The following PDZD2 variants were observed in gnomAD, a reference collection of about 807,000 sequenced individuals.
The protein encoded by PDZD2 is PDZ domain-containing protein 2.
A neutral mutation model predicts 220.7 loss-of-function variants in PDZD2; 90 were observed. The ratio of observed to expected loss-of-function variants is 0.41; its 90% CI spans 0.34 to 0.49. PDZD2 has a LOEUF of 0.49. Ranked by LOEUF, PDZD2 falls within the 20% of genes least tolerant of loss-of-function variation. PDZD2 has a pLI of 0.28. For synonymous variants in PDZD2, 1,375 were observed against 1,450.5 expected (o/e 0.95, Z 1.18); for missense variants, 3,174 against 3,608.5 (o/e 0.88, Z 3.08).
At chr5:31,651,773 A>G (rs1252634278) in intron 1 of PDZD2, among the ~76,000 whole-genome samples, 3 of 151,918 alleles carry the variant, frequency 2.0e-5, no homozygotes, top group African/African-American at 7.3e-5. Context: ...CTGGGACTAT[A>G]GTATGCACCA....
At chr5:32,105,289 G>A (rs546739841) in intron 24 of PDZD2, among the ~76,000 whole-genome samples, 4 of 152,252 alleles carry the variant, frequency 2.6e-5, no homozygotes, top group African/African-American at 9.6e-5. Flanking sequence ...ACAGGAAGAT[G>A]CTCAAACTTA....
chr5:31,901,832 T>A (rs1742131788), intron 2 of PDZD2, among the ~76,000 whole-genome samples: 1 of 152,224 alleles, frequency 6.6e-6, no homozygotes, highest in Non-Finnish European at 1.5e-5. Context: ...ATAAATTTCC[T>A]TTTCTGGACA....
intron 2 of PDZD2, among the ~76,000 whole-genome samples, chr5:31,856,111 AG>A (rs2150305456): frequency 1.3e-5 from 2 of 152,346 alleles, no homozygotes; most frequent in East Asian, 3.9e-4. Context: ...ATATTTTCAG[AG>A]TTTGCACTCT....
chr5:32,047,111 C>G (rs1176715478), intron 7 of PDZD2, among the ~76,000 whole-genome samples: 2 of 151,976 alleles, frequency 1.3e-5, no homozygotes, highest in African/African-American at 4.8e-5. Context: ...AGAAAGACAT[C>G]CAATTTTAAA....
At chr5:32,091,596 T>C (rs1168468452) in intron 20 of PDZD2, among the ~76,000 whole-genome samples, 1 of 152,136 alleles carries the variant, frequency 6.6e-6, no homozygotes, top group East Asian at 1.9e-4. Flanking sequence ...TCTTACCCAC[T>C]CTTCCTAATG....
intron 1 of PDZD2, among the ~76,000 whole-genome samples, chr5:31,746,408 C>T (rs1056206039): frequency 6.6e-6 from 1 of 152,180 alleles, no homozygotes; most frequent in African/African-American, 2.4e-5. Context: ...GATCCATTAA[C>T]AATGTCCATC....
chr5:31,784,901 C>T (rs1440315351), intron 1 of PDZD2, among the ~76,000 whole-genome samples: 2 of 150,640 alleles, frequency 1.3e-5, no homozygotes, highest in Non-Finnish European at 3.0e-5. Flanking sequence ...AGCGAGATGC[C>T]GTCTCAAAAA....
chr5:32,097,533 C>T lies in PDZD2; in HGVS notation c.7947+153C>T, dbSNP rs1196615011. Among the ~76,000 whole-genome samples the T allele has an allele frequency of 3.9e-5, 6 of 152,268 alleles. No individual in the cohort carries two copies. In the East Asian group the frequency reaches 7.7e-4, roughly 20 times the overall value. On this transcript the variant is annotated intron_variant, in intron 22 of 24. Transcript: ENST00000438447. Reference sequence around the variant, plus strand: ...AAAGGGAGAAGTGGGAGAAGTAGTACGTAAGGTTTTCGTTGACAAAAGACA... The same window carrying T: ...AAAGGGAGAAGTGGGAGAAGTAGTATGTAAGGTTTTCGTTGACAAAAGACA...
Position 31,691,265 on chromosome 5 carries a change from G to C in PDZD2, c.-361+51828G>C, listed in dbSNP as rs536195561. ...GCGTCTGGAGTTGTTCGTTCCTCCC[G>C]GTGGGCTCGTGGTCTCGCTGGCTTC... On this transcript the variant is annotated intron_variant, in intron 1 of 24. Transcript: ENST00000438447. Among the ~76,000 whole-genome samples the C allele has an allele frequency of 2.7e-4, 41 of 151,914 alleles. 1 individual carries two copies. In the South Asian group the frequency reaches 4.6e-3, roughly 17 times the overall value.
At position 32,108,203 on chromosome 5, in the gene PDZD2, A is replaced by C. The variant is rs779739450; in HGVS notation, c.*68A>C. ...CAAATCAGAGTGACTTCTTTAAACC[A>C]CAGGTTGTTGAAATGGCCAACACTG... is the stretch of plus-strand genomic sequence containing the variant. On this transcript the variant is annotated 3_prime_UTR_variant, in exon 25 of 25. Coordinates refer to ENST00000438447, the MANE Select transcript of PDZD2 (RefSeq NM_178140.4). The C allele has an allele frequency of 4.4e-6, 5 of 1,144,908 alleles. No homozygotes were observed. The highest frequency in any genetic ancestry group is 1.6e-5 in the African/African-American group (1 of 64,352). 70.9% of individuals were successfully genotyped at this position (1,144,908 alleles called of 1,614,324 possible).
At chr5:31,732,714 C>G (rs2150157670) in intron 1 of PDZD2, among the ~76,000 whole-genome samples, 1 of 152,252 alleles carries the variant, frequency 6.6e-6, no homozygotes, top group East Asian at 1.9e-4. Context: ...GGGAAAATAT[C>G]AGGAGCAGCT....
At chr5:32,026,168 G>A (rs534647469) in intron 6 of PDZD2, among the ~76,000 whole-genome samples, 32 of 145,486 alleles carry the variant, frequency 2.2e-4, no homozygotes, top group African/African-American at 7.4e-4. Flanking sequence ...ACAGTGTCTG[G>A]CTCTGTCACC....
rs966221447 is a variant in PDZD2, at chr5:31,813,404, T to C, written c.476+13680T>C. Among the ~76,000 whole-genome samples, 16 of 132,524 alleles carry C rather than the reference T, an allele frequency of 1.2e-4. No homozygotes were observed. The East Asian group carries it at 1.6e-3, about 13-fold the overall frequency. The allele number at this position is 132,524 out of a possible 152,430, so 86.9% of individuals were successfully genotyped here. A position where few individuals can be genotyped will look rare whatever the true frequency, so the allele number is the denominator to read the frequency against. On this transcript the variant is annotated intron_variant, in intron 2 of 24. Transcript: ENST00000438447. ...GGTGGAGCTTGCAGTGAGGGGAGATTGCACCACTGTACTCCAGCCTGGGCG... is the reference window on the plus strand; with the variant it reads ...GGTGGAGCTTGCAGTGAGGGGAGATCGCACCACTGTACTCCAGCCTGGGCG...
intron 1 of PDZD2, among the ~76,000 whole-genome samples, chr5:31,723,282 A>G (rs184515843): frequency 2.0e-4 from 31 of 152,134 alleles, no homozygotes; most frequent in Admixed American, 8.5e-4. Flanking sequence ...CTCCATGATA[A>G]TTCTTACTTA....
chr5:32,045,428 T>A (rs928010498), intron 7 of PDZD2, among the ~76,000 whole-genome samples: 1 of 151,980 alleles, frequency 6.6e-6, no homozygotes, highest in Non-Finnish European at 1.5e-5. Flanking sequence ...TCTTTCTTTT[T>A]TTTTTTTTCC....
chr5:31,712,293 G>T (rs1235398183), intron 1 of PDZD2, among the ~76,000 whole-genome samples: 3 of 152,140 alleles, frequency 2.0e-5, no homozygotes, highest in African/African-American at 7.2e-5. Flanking sequence ...GGAGAATTTG[G>T]TGGGGCAGTT....
chr5:31,847,582 C>T (rs537980970), intron 2 of PDZD2: 78 of 681,170 alleles, frequency 1.1e-4, no homozygotes, highest in Admixed American at 3.9e-4. Flanking sequence ...GCTGCTGGCT[C>T]GGAGGCTTTT....
At chr5:31,836,228 C>CTTTTTTTTTTT (rs34323361) in intron 2 of PDZD2, among the ~76,000 whole-genome samples, 1 of 122,172 alleles carries the variant, frequency 8.2e-6, no homozygotes, top group Non-Finnish European at 1.6e-5. Context: ...ATTTTATTGG[C>CTTTTTTTTTTT]TTTTTTTTTT....
intron 6 of PDZD2, among the ~76,000 whole-genome samples, chr5:32,036,271 T>C (rs188914280): frequency 1.4e-4 from 21 of 152,346 alleles, no homozygotes; most frequent in Non-Finnish European, 2.6e-4. Context: ...CTTTACTTGA[T>C]ACCTTATATG....
Sources: allele counts gnomAD v4.1 joint callset (sites outside exome capture counted in the v4.1 genomes callset), GRCh38; gene constraint gnomAD v4.1.1; transcripts MANE v1.5; gene names NCBI Gene and HGNC (gene_info 2026-07-23, HGNC 2026-07-21).